The following TENM3 variants were observed in gnomAD, a reference collection of about 807,000 sequenced individuals.
The protein encoded by TENM3 is teneurin-3.
Under a neutral mutation model 255.1 loss-of-function variants are expected in TENM3, and 63 were observed. The observed-to-expected ratio is 0.25, with a 90% confidence interval of 0.20 to 0.30. TENM3 has a LOEUF of 0.30. TENM3 is among the 10% of genes least tolerant of loss of function. TENM3 has a pLI of 1.00. For synonymous variants in TENM3, 1,306 were observed against 1,322.3 expected, an observed-to-expected ratio of 0.99 and a Z score of 0.27; for missense variants, 2,929 against 3,461.1, an observed-to-expected ratio of 0.85 and a Z score of 3.86.
intron 3 of TENM3, among the ~76,000 whole-genome samples, chr4:182,358,149 C>A (rs1035033854): frequency 1.3e-5 from 2 of 151,652 alleles, no homozygotes; most frequent in African/African-American, 4.9e-5. Flanking sequence ...AGTCAGGTAG[C>A]GTGATGCCTC....
chr4:181,816,673 T>G, the TENM3 span, among the ~76,000 whole-genome samples: 1 of 152,310 alleles, frequency 6.6e-6, no homozygotes, highest in Admixed American at 6.5e-5. Flanking sequence ...CTGTCTCAGT[T>G]GATAATGCCA....
chr4:182,319,424 G>A (rs1210403200), intron 1 of TENM3, among the ~76,000 whole-genome samples: 2 of 151,960 alleles, frequency 1.3e-5, no homozygotes, highest in African/African-American at 2.4e-5. Flanking sequence ...TTAAATCCTC[G>A]AAGAGTTTGA....
the TENM3 span, among the ~76,000 whole-genome samples, chr4:181,726,420 A>G: frequency 1.3e-5 from 2 of 152,204 alleles, no homozygotes; most frequent in Non-Finnish European, 2.9e-5. Flanking sequence ...TGTAGGTGTT[A>G]TCATCCCAAT....
intron 3 of TENM3, among the ~76,000 whole-genome samples, chr4:182,424,222 A>G (rs1032804184): frequency 1.3e-5 from 2 of 152,202 alleles, no homozygotes; most frequent in Non-Finnish European, 2.9e-5. Context: ...AAACACATAC[A>G]CATTAAAATT....
Position 182,656,341 on chromosome 4 carries a change from T to C in TENM3, c.1111+2448T>C, listed in dbSNP as rs568774206. The stretch of plus-strand genomic sequence containing the variant: ...CTTGCCTTCTTTATTATTACTTGAA[T>C]CGCCCCCAAAACCCTAAATTGTAAG... On this transcript the variant is annotated intron_variant, in intron 6 of 27. Coordinates refer to ENST00000511685, the MANE Select transcript of TENM3 (RefSeq NM_001080477.4). 5.9e-5 allele frequency among the ~76,000 whole-genome samples: 9 copies of C among 152,320 alleles called. No individual in the cohort carries two copies. The East Asian group carries it at 1.7e-3, about 29-fold the overall frequency.
chr4:182,600,883 A>ATATATATGTATATATATATATACATATAT, intron 3 of TENM3, 41 bp from the exon 4 acceptor site: 1 of 1,019,578 alleles, frequency 9.8e-7, no homozygotes, highest in East Asian at 2.7e-5. Flanking sequence ...ATATATATAT[A>ATATATATGTATATATATATATACATATAT]ATGAGTTCTC....
chr4:181,597,827 G>GA, the TENM3 span, among the ~76,000 whole-genome samples: 2 of 152,056 alleles, frequency 1.3e-5, no homozygotes, highest in Admixed American at 6.5e-5. Flanking sequence ...AAGGTTATGG[G>GA]AAAAAAATCC....
the TENM3 span, among the ~76,000 whole-genome samples, chr4:182,110,819 G>C: frequency 1.3e-5 from 2 of 150,774 alleles, no homozygotes; most frequent in Non-Finnish European, 2.9e-5. Flanking sequence ...TTCACGATTT[G>C]GCATAATTAA....
At chr4:182,524,254 T>A (rs560277195) in intron 3 of TENM3, among the ~76,000 whole-genome samples, 34 of 152,228 alleles carry the variant, frequency 2.2e-4, no homozygotes, top group African/African-American at 7.9e-4. Flanking sequence ...GGTTATCATT[T>A]CAAATTGGTG....
At chr4:182,553,872 T>C (rs1742323424) in intron 3 of TENM3, among the ~76,000 whole-genome samples, 1 of 152,174 alleles carries the variant, frequency 6.6e-6, no homozygotes, top group African/African-American at 2.4e-5. Context: ...CCAAATTTTC[T>C]CAAAGCACAA....
chr4:182,330,445 C>T (rs896869392), intron 2 of TENM3, among the ~76,000 whole-genome samples: 6 of 152,132 alleles, frequency 3.9e-5, no homozygotes, highest in African/African-American at 9.7e-5. Context: ...GCTTCCTCCT[C>T]GTATAGGGAG....
intron 6 of TENM3, among the ~76,000 whole-genome samples, chr4:182,668,033 A>T (rs1391368076): frequency 1.3e-5 from 2 of 152,162 alleles, no homozygotes; most frequent in African/African-American, 4.8e-5. Flanking sequence ...TGATAAGTTC[A>T]TTAAAAAGGT....
At chr4:182,570,830 A>C (rs375573032) in intron 3 of TENM3, among the ~76,000 whole-genome samples, 3 of 49,902 alleles carry the variant, frequency 6.0e-5, no homozygotes, top group African/African-American at 1.2e-4. Context: ...ACTCTGTGTC[A>C]AAAAAAAAAA....
the TENM3 span, among the ~76,000 whole-genome samples, chr4:181,890,157 C>G: frequency 6.6e-6 from 1 of 152,188 alleles, no homozygotes; most frequent in Admixed American, 6.5e-5. Context: ...ACAGGCATGT[C>G]TCTGGTAATT....
intron 5 of TENM3, among the ~76,000 whole-genome samples, chr4:182,634,361 A>G (rs1751660919): frequency 6.6e-6 from 1 of 152,192 alleles, no homozygotes; most frequent in African/African-American, 2.4e-5. Flanking sequence ...CTATTAGGAT[A>G]GAGGAGCAAG....
chr4:181,838,138 CAA>C, the TENM3 span, among the ~76,000 whole-genome samples: 1 of 143,092 alleles, frequency 7.0e-6, no homozygotes. Flanking sequence ...GACTCCATCT[CAA>C]AAAAAAAAAA....
intron 3 of TENM3, among the ~76,000 whole-genome samples, chr4:182,517,053 TA>T (rs1183147917): frequency 6.6e-6 from 1 of 152,076 alleles, no homozygotes; most frequent in Non-Finnish European, 1.5e-5. Context: ...TATTGGATTA[TA>T]AAATATGAGA....
At chr4:181,815,288 C>CT in the TENM3 span, among the ~76,000 whole-genome samples, 1 of 128,682 alleles carries the variant, frequency 7.8e-6, no homozygotes, top group South Asian at 2.5e-4. Context: ...CCCGTCTCTA[C>CT]AAAAATACAA....
At chr4:182,096,463 G>A in the TENM3 span, among the ~76,000 whole-genome samples, 1 of 152,060 alleles carries the variant, frequency 6.6e-6, no homozygotes. Flanking sequence ...ATTTATCTAA[G>A]TATTTCAACT....
Sources: allele counts gnomAD v4.1 joint callset (sites outside exome capture counted in the v4.1 genomes callset), GRCh38; gene constraint gnomAD v4.1.1; transcripts MANE v1.5; gene names NCBI Gene and HGNC (gene_info 2026-07-23, HGNC 2026-07-21).